CFAP54: variants seen among roughly 807,000 people sequenced by gnomAD.
The protein encoded by CFAP54 is cilia- and flagella-associated protein 54.
A neutral mutation model predicts 370.4 loss-of-function variants in CFAP54; 290 were observed. That is an observed-to-expected ratio of 0.78 (90% confidence interval 0.71 to 0.86). CFAP54 has a LOEUF of 0.86. Ranked by LOEUF, CFAP54 falls within the 40% of genes least tolerant of loss-of-function variation. The probability of loss-of-function intolerance (pLI) is 0.00; values close to 1 mark genes in which losing one functional copy is unlikely to be tolerated. For missense variants in CFAP54, 3,399 were observed against 3,528.7 expected (o/e 0.96, Z 0.93); for synonymous variants, 1,206 against 1,236.5 (o/e 0.98, Z 0.52).
chr12:96,498,781 G>A (rs1954987955), intron 1 of CFAP54, among the ~76,000 whole-genome samples: 1 of 152,064 alleles, frequency 6.6e-6, no homozygotes, highest in Non-Finnish European at 1.5e-5. Context: ...TGTTAAGTTG[G>A]ACTTCATTAA....
chr12:96,533,742 A>G, intron 9 of CFAP54, 50 bp from the exon 10 acceptor site: 3 of 1,305,916 alleles, frequency 2.3e-6, no homozygotes, highest in Non-Finnish European at 3.1e-6. Flanking sequence ...ATATTTAATA[A>G]ATATTTATTT....
At position 96,708,766 on chromosome 12, in the gene CFAP54, T is replaced by G. The variant is rs146733461; in HGVS notation, c.6687T>G (p.Ile2229Met). Residue 2229 changes from isoleucine (I) to methionine (M), a missense_variant, in exon 48 of 68, where the codon ATT (isoleucine) becomes ATG (methionine). This residue lies in a region of CFAP54 where 2,796 missense variants were observed against 2,869.7 expected (regional missense o/e 0.97). Transcript: ENST00000524981. ...CAGAAAATAAATTTAAGACAGTAAT[T>G]ACCAACAAGAGCAAACCAAACCTAC... ...CVPENKFKTVITNKSKPNLPN... is the reference protein window; with the variant it reads ...CVPENKFKTVMTNKSKPNLPN... The G allele has an allele frequency of 4.8e-4, 771 of 1,608,324 alleles. No homozygotes were observed. Among genetic ancestry groups the G allele is most frequent in the Non-Finnish European group, 6.1e-4 (721 of 1,177,852 alleles).
intron 15 of CFAP54, among the ~76,000 whole-genome samples, chr12:96,552,072 C>A (rs1368114179): frequency 2.0e-5 from 3 of 151,668 alleles, no homozygotes; most frequent in Non-Finnish European, 4.4e-5. Context: ...CATGGAGAAA[C>A]CCCATGTCTA....
At chr12:96,558,071 G>A (rs761327360) in intron 17 of CFAP54, among the ~76,000 whole-genome samples, 1 of 152,130 alleles carries the variant, frequency 6.6e-6, no homozygotes, top group Non-Finnish European at 1.5e-5. Context: ...GGCGTAGGAA[G>A]GAAAAGCATA....
Position 96,757,545 on chromosome 12 carries a change from A to G in CFAP54, c.7997A>G (p.Lys2666Arg), listed in dbSNP as rs2136661551. ...LEMALLYFHL[K>R]KPKIKISGSP... ...ATGGCTCTATTGTATTTTCATCTGA[A>G]GAAGCCAAAGATAAAAATTTCAGGA... is the stretch of plus-strand genomic sequence containing the variant. The change falls in exon 58 of 68, where the codon AAG (lysine) becomes AGG (arginine). Residue 2666 changes from lysine to arginine, a missense_variant. By Grantham distance (26) the Lys-to-Arg change is conservative. This residue lies in a region of CFAP54 where 2,796 missense variants were observed against 2,869.7 expected (regional missense o/e 0.97). Coordinates refer to ENST00000524981, the MANE Select transcript of CFAP54 (RefSeq NM_001306084.2). The G allele has an allele frequency of 1.3e-6, 2 of 1,599,432 alleles. No individual in the cohort carries two copies. Among genetic ancestry groups the G allele is most frequent in the South Asian group, 1.1e-5 (1 of 89,756 alleles).
intron 63 of CFAP54, among the ~76,000 whole-genome samples, chr12:96,802,589 C>A (rs1406684925): frequency 6.6e-6 from 1 of 152,158 alleles, no homozygotes; most frequent in Non-Finnish European, 1.5e-5. Flanking sequence ...TGCCTAGGGG[C>A]TTGAGAACCT....
chr12:96,743,960 T>G (rs1434958549), intron 54 of CFAP54, 50 bp downstream of exon 54: 12 of 1,600,762 alleles, frequency 7.5e-6, no homozygotes, highest in South Asian at 1.1e-5. Flanking sequence ...TTTTCTCTCT[T>G]TCCTCCTATT....
intron 66 of CFAP54, among the ~76,000 whole-genome samples, chr12:96,837,970 A>G (rs1312829611): frequency 6.6e-6 from 1 of 152,188 alleles, no homozygotes; most frequent in East Asian, 1.9e-4. Flanking sequence ...AAGGTGATAC[A>G]CTTCTGATAT....
intron 32 of CFAP54, among the ~76,000 whole-genome samples, chr12:96,637,587 G>A (rs815908): frequency 0.096 from 14,634 of 152,122 alleles, 856 homozygotes; most frequent in South Asian, 0.24. Flanking sequence ...CATGCATAGA[G>A]TATTTATACT....
At chr12:96,808,702 T>A (rs1958904794) in intron 63 of CFAP54, among the ~76,000 whole-genome samples, 1 of 152,160 alleles carries the variant, frequency 6.6e-6, no homozygotes, top group African/African-American at 2.4e-5. Flanking sequence ...AGATAATAGA[T>A]CCAGCTGCCA....
At chr12:96,676,725 T>C (rs929330091) in intron 39 of CFAP54, among the ~76,000 whole-genome samples, 1 of 152,066 alleles carries the variant, frequency 6.6e-6, no homozygotes, top group African/African-American at 2.4e-5. Flanking sequence ...TTTGTATTTT[T>C]AGTAGAGATG....
chr12:96,530,539 G>A (rs531287206), intron 9 of CFAP54, among the ~76,000 whole-genome samples: 5 of 152,032 alleles, frequency 3.3e-5, no homozygotes, highest in Non-Finnish European at 5.9e-5. Flanking sequence ...ATTATTTTAT[G>A]GTATGGATAC....
At chr12:96,546,401 A>ATTTGTTTG (rs552038230) in intron 14 of CFAP54, among the ~76,000 whole-genome samples, 2 of 151,802 alleles carry the variant, frequency 1.3e-5, no homozygotes, top group African/African-American at 4.8e-5. Context: ...CTGGCCATGT[A>ATTTGTTTG]TTTGTTTGTT....
At chr12:96,764,341 A>G in intron 59 of CFAP54, 92 bp downstream of exon 59, 1 of 962,330 alleles carries the variant, frequency 1.0e-6, no homozygotes, top group Non-Finnish European at 1.5e-6. Flanking sequence ...AAGAGAAAGG[A>G]GTTGGGTGTG....
Position 96,533,951 on chromosome 12 carries a change from T to C in CFAP54, c.1517T>C (p.Val506Ala), listed in dbSNP as rs888093338. 2.0e-6 allele frequency: 3 copies of C among 1,519,600 alleles called. No homozygotes were observed. Among genetic ancestry groups the C allele is most frequent in the Non-Finnish European group, 2.6e-6 (3 of 1,142,278 alleles). 94.1% of individuals were successfully genotyped at this position (1,519,600 alleles called of 1,614,324 possible). Residue 506 changes from valine (V) to alanine (A), a missense_variant, in exon 10 of 68, where the codon GTA (valine) becomes GCA (alanine). Around this residue, in one of 3 missense-constraint regions of CFAP54, gnomAD observed 44 missense variants for 82.3 expected, o/e 0.53. Coordinates refer to ENST00000524981, the MANE Select transcript of CFAP54 (RefSeq NM_001306084.2). The part of the protein sequence containing the change: ...EEWSLFESSA[V>A]HLIYFLQRQD... ...TGGAGTTTATTTGAATCTTCTGCTG[T>C]ACATCTTATTTATTTTCTCCAGGTA...
intron 63 of CFAP54, among the ~76,000 whole-genome samples, chr12:96,798,745 T>A (rs1195279684): frequency 1.3e-5 from 2 of 152,180 alleles, no homozygotes; most frequent in African/African-American, 2.4e-5. Flanking sequence ...TAGTTGTCAT[T>A]ATTATGTGAA....
intron 6 of CFAP54, among the ~76,000 whole-genome samples, chr12:96,521,019 T>C (rs531666647): frequency 6.6e-6 from 1 of 152,350 alleles, no homozygotes; most frequent in African/African-American, 2.4e-5. Context: ...AACTTCAGTG[T>C]ACTAGTGGTG....
chr12:96,603,657 T>C (rs1332092651), intron 26 of CFAP54, among the ~76,000 whole-genome samples: 1 of 152,226 alleles, frequency 6.6e-6, no homozygotes. Flanking sequence ...TTCGTTTCTT[T>C]TTACTCTTTT....
chr12:96,826,217 A>G (rs1195172134), intron 65 of CFAP54, among the ~76,000 whole-genome samples: 1 of 145,374 alleles, frequency 6.9e-6, no homozygotes, highest in East Asian at 2.0e-4. Context: ...ACAAATGCAA[A>G]AACAAGGAAA....
Sources: gnomAD v4.1 joint callset for allele counts (sites outside exome capture counted in the v4.1 genomes callset) on GRCh38, gnomAD v4.1.1 for gene constraint, gnomAD v4.1.1 regional missense constraint, MANE v1.5 for transcripts, NCBI Gene and HGNC (gene_info 2026-07-23, HGNC 2026-07-21) for gene names.